Variants in RALGPS1 observed in about 807,000 individuals in gnomAD.
The protein encoded by RALGPS1 is ras-specific guanine nucleotide-releasing factor RalGPS1.
In RALGPS1, 19 loss-of-function variants were observed where a neutral mutation model predicts 78.8. That is an observed-to-expected ratio of 0.24 (90% CI 0.17 to 0.35). The LOEUF is 0.35. RALGPS1 is among the 10% of genes least tolerant of loss of function. RALGPS1 has a pLI of 1.00. For missense variants in RALGPS1, 454 were observed against 688.3 expected, an observed-to-expected ratio of 0.66 and a Z score of 3.81; for synonymous variants, 228 against 256.3, an observed-to-expected ratio of 0.89 and a Z score of 1.06.
chr9:127,049,808 T>G (rs2135320613), intron 5 of RALGPS1, among the ~76,000 whole-genome samples: 1 of 152,342 alleles, frequency 6.6e-6, no homozygotes, highest in East Asian at 1.9e-4. Context: ...AAAGTGCTGC[T>G]TTCTCTTGGC....
At chr9:126,959,297 G>A (rs1009821026) in intron 1 of RALGPS1, among the ~76,000 whole-genome samples, 4 of 152,090 alleles carry the variant, frequency 2.6e-5, no homozygotes, top group Non-Finnish European at 4.4e-5. Context: ...CCTGACCTCA[G>A]GTGGTCTGCC....
rs2052534644 is a variant in RALGPS1, at chr9:127,091,952, C to T, written c.610+22596C>T. 1.9e-6 allele frequency: 3 copies of T among 1,612,566 alleles called. No homozygotes were observed. The highest frequency in any genetic ancestry group is 1.3e-5 in the African/African-American group (1 of 74,824). On this transcript the variant is annotated intron_variant, in intron 8 of 18. Transcript: ENST00000259351. The surrounding 1 kb of genome is among the most constrained non-coding windows in gnomAD (Gnocchi z 4.3). ...TTCCCAAACCCTTGCTGGGGAAAACCCAGGAGAGTGTTAATGTGGAGCCTG... is the reference window on the plus strand; with the variant it reads ...TTCCCAAACCCTTGCTGGGGAAAACTCAGGAGAGTGTTAATGTGGAGCCTG...
chr9:127,089,422 A>G (rs2052181085), intron 8 of RALGPS1, among the ~76,000 whole-genome samples: 1 of 152,220 alleles, frequency 6.6e-6, no homozygotes, highest in African/African-American at 2.4e-5. Flanking sequence ...CCTGCCGCAC[A>G]GGGCGGCTCT....
intron 5 of RALGPS1, 68 bp downstream of exon 5, chr9:127,034,582 C>A: frequency 1.4e-6 from 2 of 1,406,076 alleles, no homozygotes; most frequent in African/African-American, 1.4e-5. Context: ...AGGCTGCGAG[C>A]CCCCACCCAA....
At chr9:127,054,022 T>A (rs1312953527) in intron 7 of RALGPS1, among the ~76,000 whole-genome samples, 1 of 152,206 alleles carries the variant, frequency 6.6e-6, no homozygotes, top group Admixed American at 6.5e-5. Context: ...TAGAGTTGCC[T>A]TGGGTGCCGC....
At chr9:127,194,193 G>T (rs1481748021) in intron 11 of RALGPS1, among the ~76,000 whole-genome samples, 1 of 152,228 alleles carries the variant, frequency 6.6e-6, no homozygotes, top group African/African-American at 2.4e-5. Flanking sequence ...CTGACCACCT[G>T]CAAGGTGAGT....
chr9:127,157,015 G>A (rs956524981), intron 8 of RALGPS1, among the ~76,000 whole-genome samples: 24 of 151,828 alleles, frequency 1.6e-4, no homozygotes, highest in South Asian at 2.1e-4. Flanking sequence ...TACCTGCATC[G>A]TATACTAAAT....
intron 8 of RALGPS1, among the ~76,000 whole-genome samples, chr9:127,126,391 T>G (rs2056619738): frequency 6.6e-6 from 1 of 152,194 alleles, no homozygotes; most frequent in South Asian, 2.1e-4. Context: ...TTACTGAGCT[T>G]CTTGGACCTA....
intron 8 of RALGPS1, among the ~76,000 whole-genome samples, chr9:127,141,394 A>C (rs1330526915): frequency 6.6e-6 from 1 of 152,164 alleles, no homozygotes; most frequent in Non-Finnish European, 1.5e-5. Context: ...ACAGTAACGC[A>C]AAGCTGCCTC....
At chr9:126,953,930 G>C (rs1472069289) in intron 1 of RALGPS1, among the ~76,000 whole-genome samples, 1 of 152,152 alleles carries the variant, frequency 6.6e-6, no homozygotes, top group Non-Finnish European at 1.5e-5. Context: ...GACTGGGGAA[G>C]GTGGGAGAGG....
intron 8 of RALGPS1, among the ~76,000 whole-genome samples, chr9:127,157,082 A>G (rs2058743340): frequency 6.6e-6 from 1 of 152,072 alleles, no homozygotes; most frequent in Admixed American, 6.5e-5. Flanking sequence ...ACTCTGTAGC[A>G]ATACTATACT....
intron 4 of RALGPS1, among the ~76,000 whole-genome samples, chr9:126,984,972 G>C (rs2041658132): frequency 2.0e-5 from 3 of 152,218 alleles, no homozygotes; most frequent in Non-Finnish European, 2.9e-5. Flanking sequence ...AAAATGTCAT[G>C]AGTTCATAGT....
chr9:127,036,662 G>A (rs2046888664), intron 5 of RALGPS1, among the ~76,000 whole-genome samples: 1 of 152,160 alleles, frequency 6.6e-6, no homozygotes, highest in African/African-American at 2.4e-5. Flanking sequence ...CGTGGGATCC[G>A]AGTCCCTTGG....
intron 8 of RALGPS1, among the ~76,000 whole-genome samples, chr9:127,162,963 A>G (rs928773976): frequency 1.3e-5 from 2 of 151,978 alleles, no homozygotes; most frequent in African/African-American, 4.8e-5. Context: ...AATCTCTTTG[A>G]GCTTTAGTTT....
chr9:127,017,790 G>A (rs1426989635), intron 4 of RALGPS1, among the ~76,000 whole-genome samples: 1 of 151,666 alleles, frequency 6.6e-6, no homozygotes, highest in Non-Finnish European at 1.5e-5. Context: ...GAACTAAGAC[G>A]CAGACACACA....
chr9:127,189,491 C>T (rs1025435247), intron 11 of RALGPS1, among the ~76,000 whole-genome samples: 4 of 152,196 alleles, frequency 2.6e-5, no homozygotes, highest in African/African-American at 4.8e-5. Flanking sequence ...AGGTTCTGGA[C>T]GCATGCTTGG....
chr9:127,016,338 C>G (rs566133705), intron 4 of RALGPS1, among the ~76,000 whole-genome samples: 1 of 152,260 alleles, frequency 6.6e-6, no homozygotes, highest in East Asian at 1.9e-4. Flanking sequence ...TTATATGGCC[C>G]CTGCTTCTCT....
chr9:127,167,576 G>A (rs2059358404), intron 9 of RALGPS1, among the ~76,000 whole-genome samples: 3 of 152,208 alleles, frequency 2.0e-5, no homozygotes, highest in Non-Finnish European at 1.5e-5. Flanking sequence ...TGAGAGCCCA[G>A]CAAATGCTCT....
Position 127,220,172 on chromosome 9 carries a change from T to TA in RALGPS1, c.*1406dup, listed in dbSNP as rs1486309418. 1 of 152,356 alleles carries TA rather than the reference T, an allele frequency of 6.6e-6. No homozygotes were observed. Among genetic ancestry groups the TA allele is most frequent in the African/African-American group, 2.4e-5 (1 of 41,452 alleles). The allele number at this position is 152,356 out of a possible 1,614,324, so 9.4% of individuals were successfully genotyped here. On this transcript the variant is annotated 3_prime_UTR_variant, in exon 19 of 19. Transcript: ENST00000259351. Reference sequence around the variant, plus strand: ...AGCCTAACTCTGAGAAGTTAACCCTTAAACAGTTTTCTGGAAGAGACTGAA... The same window carrying TA: ...AGCCTAACTCTGAGAAGTTAACCCTTAAAACAGTTTTCTGGAAGAGACTGAA...
Sources: allele counts gnomAD v4.1 joint callset (sites outside exome capture counted in the v4.1 genomes callset), GRCh38; gene constraint gnomAD v4.1.1; non-coding constraint Gnocchi (gnomAD v3.1); transcripts MANE v1.5; gene names NCBI Gene and HGNC (gene_info 2026-07-23, HGNC 2026-07-21).